Variants in TRPS1 observed in about 807,000 individuals in gnomAD.
The protein encoded by TRPS1 is transcriptional repressor GATA binding 1.
TRPS1 carries 6 observed loss-of-function variants against 101.2 expected under a neutral mutation model. The observed-to-expected ratio is 0.06, with a 90% CI of 0.03 to 0.12. The LOEUF (loss-of-function observed/expected upper bound fraction) is 0.12. TRPS1 is among the 10% of genes least tolerant of loss of function. TRPS1 has a pLI of 1.00. For synonymous variants in TRPS1, 578 were observed against 589.8 expected (o/e 0.98, Z 0.29); for missense variants, 1,363 against 1,567.0 (o/e 0.87, Z 2.20).
chr8:115,499,473 G>A (rs1156792187), intron 5 of TRPS1, among the ~76,000 whole-genome samples: 2 of 151,870 alleles, frequency 1.3e-5, no homozygotes, highest in Non-Finnish European at 2.9e-5. Flanking sequence ...CCATCGAGAG[G>A]GCCCTTGCTG....
intron 5 of TRPS1, among the ~76,000 whole-genome samples, chr8:115,528,223 G>A (rs1051286030): frequency 1.3e-5 from 2 of 151,990 alleles, no homozygotes; most frequent in Admixed American, 6.6e-5. Flanking sequence ...AGCAATTTAC[G>A]TGAAAAAAGT....
intron 1 of TRPS1, among the ~76,000 whole-genome samples, chr8:115,639,820 C>A (rs1319943725): frequency 2.0e-5 from 3 of 152,102 alleles, no homozygotes; most frequent in South Asian, 4.2e-4. Flanking sequence ...CAGAGTGAGA[C>A]CCTATCTCAA....
chr8:115,577,436 C>G (rs1198807450), intron 5 of TRPS1, among the ~76,000 whole-genome samples: 1 of 152,010 alleles, frequency 6.6e-6, no homozygotes, highest in Admixed American at 6.6e-5. Flanking sequence ...ATTCTTGCCC[C>G]TGCTTCTTCA....
At chr8:115,555,801 G>A (rs1013396902) in intron 5 of TRPS1, among the ~76,000 whole-genome samples, 1 of 151,942 alleles carries the variant, frequency 6.6e-6, no homozygotes, top group Admixed American at 6.6e-5. Context: ...CTAGGAGTTC[G>A]AGACCAGCCT....
chr8:115,457,168 A>C (rs1341047995), intron 5 of TRPS1, among the ~76,000 whole-genome samples: 1 of 152,222 alleles, frequency 6.6e-6, no homozygotes, highest in Non-Finnish European at 1.5e-5. Context: ...GTTTTGATAA[A>C]AAGAAGTGGT....
chr8:115,564,148 C>CATCAT, intron 5 of TRPS1, among the ~76,000 whole-genome samples: 1 of 152,050 alleles, frequency 6.6e-6, no homozygotes, highest in East Asian at 1.9e-4. Context: ...TTACACGTTA[C>CATCAT]ACAATGATGA....
intron 5 of TRPS1, among the ~76,000 whole-genome samples, chr8:115,445,172 C>G (rs1037893828): frequency 6.6e-6 from 1 of 152,126 alleles, no homozygotes; most frequent in African/African-American, 2.4e-5. Context: ...TTCATACATT[C>G]TTCTCTCCCC....
chr8:115,431,881 A>G (rs893737887), intron 5 of TRPS1, among the ~76,000 whole-genome samples: 1 of 151,894 alleles, frequency 6.6e-6, no homozygotes, highest in African/African-American at 2.4e-5. Flanking sequence ...TATATCCATA[A>G]ATTTTATTCC....
At chr8:115,591,306 T>C (rs1817674928) in intron 4 of TRPS1, among the ~76,000 whole-genome samples, 1 of 152,212 alleles carries the variant, frequency 6.6e-6, no homozygotes, top group Non-Finnish European at 1.5e-5. Flanking sequence ...ATTAAGATTA[T>C]GTTACTTCAA....
chr8:115,529,633 C>T (rs1029210410), intron 5 of TRPS1, among the ~76,000 whole-genome samples: 4 of 152,102 alleles, frequency 2.6e-5, no homozygotes, highest in African/African-American at 7.2e-5. Context: ...TTTTGCACCC[C>T]ATTCATATGC....
intron 5 of TRPS1, among the ~76,000 whole-genome samples, chr8:115,517,697 A>G (rs1048087154): frequency 6.6e-6 from 1 of 151,778 alleles, no homozygotes; most frequent in Middle Eastern, 3.2e-3. Context: ...CATCCTACCC[A>G]TGTTAAAGTT....
chr8:115,474,848 T>G (rs1814560942), intron 5 of TRPS1, among the ~76,000 whole-genome samples: 1 of 152,102 alleles, frequency 6.6e-6, no homozygotes, highest in African/African-American at 2.4e-5. Flanking sequence ...AGACTAGAGA[T>G]AAATATTCTG....
At chr8:115,483,509 G>A (rs1252008656) in intron 5 of TRPS1, among the ~76,000 whole-genome samples, 4 of 148,918 alleles carry the variant, frequency 2.7e-5, no homozygotes, top group Non-Finnish European at 4.4e-5. Context: ...CTCCAGCCTG[G>A]GTGACAGAGT....
chr8:115,570,719 A>ACT (rs1016528456), intron 5 of TRPS1, among the ~76,000 whole-genome samples: 2 of 146,536 alleles, frequency 1.4e-5, no homozygotes, highest in African/African-American at 2.5e-5. Context: ...ACACACACAC[A>ACT]CTCACACTTC....
intron 1 of TRPS1, among the ~76,000 whole-genome samples, chr8:115,631,634 CATGGATGGATGGATGG>C (rs57368306): frequency 1.8e-4 from 27 of 149,408 alleles, no homozygotes; most frequent in East Asian, 1.2e-3. Context: ...TTATTAGATG[CATGGATGGATGGATGG>C]ATGGATGGAT....
intron 5 of TRPS1, among the ~76,000 whole-genome samples, chr8:115,496,038 T>C (rs1815141211): frequency 6.6e-6 from 1 of 152,134 alleles, no homozygotes; most frequent in Non-Finnish European, 1.5e-5. Context: ...CAATTCCCCC[T>C]CTGCTTCTCA....
chr8:115,619,508 G>A lies in TRPS1; in HGVS notation c.590C>T (p.Ser197Leu), dbSNP rs1176373976. The A allele has an allele frequency of 6.2e-7, 1 of 1,613,996 alleles. No individual in the cohort carries two copies. Among genetic ancestry groups the A allele is most frequent in the Non-Finnish European group, 8.5e-7 (1 of 1,180,014 alleles). The part of the protein sequence containing the change: ...CQGLSPVSVA[S>L]KNPQVPSDGG... ...ATCTGAAGGCACTTGTGGGTTTTTTGAGGCCACTGAAACTGGGCTCAAACC... is the reference window on the plus strand; with the variant it reads ...ATCTGAAGGCACTTGTGGGTTTTTTAAGGCCACTGAAACTGGGCTCAAACC... Residue 197 changes from serine (S) to leucine (L), a missense_variant, in exon 3 of 7, where the codon TCA becomes TTA. Ser to Leu is a moderately radical substitution (Grantham distance 145). Coordinates refer to ENST00000395715, the MANE Select transcript of TRPS1 (RefSeq NM_014112.5).
chr8:115,612,274 A>G (rs1818187848), intron 3 of TRPS1, among the ~76,000 whole-genome samples: 1 of 151,794 alleles, frequency 6.6e-6, no homozygotes, highest in Non-Finnish European at 1.5e-5. Flanking sequence ...GAGGAGGAGG[A>G]GGAAAGAATA....
chr8:115,599,236 T>C (rs995230163), intron 4 of TRPS1, among the ~76,000 whole-genome samples: 3 of 152,286 alleles, frequency 2.0e-5, no homozygotes, highest in East Asian at 1.9e-4. Context: ...TTGTCTAATA[T>C]GTAGTTTAAT....
Sources: gnomAD v4.1 joint callset for allele counts (sites outside exome capture counted in the v4.1 genomes callset) on GRCh38, gnomAD v4.1.1 for gene constraint, MANE v1.5 for transcripts, NCBI Gene and HGNC (gene_info 2026-07-23, HGNC 2026-07-21) for gene names.